Variants in PRKCZ observed in about 807,000 individuals in gnomAD.
The protein encoded by PRKCZ is protein kinase C zeta type.
A neutral mutation model predicts 79.5 loss-of-function variants in PRKCZ; 33 were observed. The observed-to-expected ratio is 0.41, with a 90% CI of 0.31 to 0.55. PRKCZ has a LOEUF of 0.55. PRKCZ is among the 20% of genes least tolerant of loss of function. PRKCZ has a pLI of 0.19. For synonymous variants in PRKCZ, 342 were observed against 320.9 expected, an observed-to-expected ratio of 1.07 and a Z score of -0.70; for missense variants, 578 against 813.5, an observed-to-expected ratio of 0.71 and a Z score of 3.52.
chr1:2,172,377 G>A lies in PRKCZ; in HGVS notation c.1274G>A (p.Gly425Glu). Residue 425 changes from glycine (G) to glutamate (E), a missense_variant, in exon 13 of 18, where the codon GGA becomes GAA. Transcript: ENST00000378567. This position sits in a 1 kb window ranked among gnomAD's most constrained non-coding sequence, Gnocchi z 7.8. ...TACATCGCCCCCGAAATCCTGCGGG[G>A]AGAGGAGTACGGTGAGTGCCGCTGC... Reference protein sequence around the residue: ...PNYIAPEILRGEEYGFSVDWW... With the variant: ...PNYIAPEILREEEYGFSVDWW... 1 of 1,612,984 alleles carries A rather than the reference G, an allele frequency of 6.2e-7. No individual in the cohort carries two copies. The highest frequency in any genetic ancestry group is 8.5e-7 in the Non-Finnish European group (1 of 1,179,832).
intron 8 of PRKCZ, 140 bp from the exon 9 acceptor site, chr1:2,150,650 A>G: frequency 1.2e-6 from 1 of 812,938 alleles, no homozygotes; most frequent in South Asian, 1.8e-5. Context: ...GATATGTGGG[A>G]CGCAGAACTG....
chr1:2,126,764 C>T (rs1034744592), intron 4 of PRKCZ, among the ~76,000 whole-genome samples: 2 of 152,246 alleles, frequency 1.3e-5, no homozygotes, highest in South Asian at 4.1e-4. Flanking sequence ...ACTTGCCCCT[C>T]ACCCGGGGTT....
At chr1:2,076,887 G>C (rs1317578498) in intron 4 of PRKCZ, among the ~76,000 whole-genome samples, 1 of 152,176 alleles carries the variant, frequency 6.6e-6, no homozygotes, top group Non-Finnish European at 1.5e-5. Flanking sequence ...TCCACGCATC[G>C]GGGCCCGGCA....
At chr1:2,121,222 G>A (rs1389740327) in intron 4 of PRKCZ, among the ~76,000 whole-genome samples, 1 of 152,216 alleles carries the variant, frequency 6.6e-6, no homozygotes, top group South Asian at 2.1e-4. Flanking sequence ...CTCCCAGTGT[G>A]GCGGGGGCAG....
At chr1:2,144,139 G>T (rs1677987637) in intron 5 of PRKCZ, 71 bp from the exon 6 acceptor site, 2 of 1,524,300 alleles carry the variant, frequency 1.3e-6, no homozygotes, top group Admixed American at 2.0e-5. Flanking sequence ...TATAGGTGTG[G>T]AAGGCCCTGC....
In PRKCZ at chr1:2,165,750, G is replaced by A. The variant is rs1176252352; in HGVS notation, c.975-3768G>A. Among the ~76,000 whole-genome samples the A allele has an allele frequency of 6.6e-6, 1 of 152,150 alleles. No individual in the cohort carries two copies. The highest frequency in any genetic ancestry group is 1.5e-5 in the Non-Finnish European group (1 of 68,020). On this transcript the variant is annotated intron_variant, in intron 10 of 17. Coordinates refer to ENST00000378567, the MANE Select transcript of PRKCZ (RefSeq NM_002744.6). This position sits in a 1 kb window ranked among gnomAD's most constrained non-coding sequence, Gnocchi z 4.1. ...CATCTGGTTAATTCTTGACTCTCAG[G>A]GCAGCGTCTCCTGTGCCTCCAGGAG...
chr1:2,175,140 C>A, intron 15 of PRKCZ, 84 bp from the exon 16 acceptor site: 1 of 1,190,546 alleles, frequency 8.4e-7, no homozygotes, highest in Non-Finnish European at 1.2e-6. Context: ...GGCTTGTCAG[C>A]ACTGGGAGTG....
In PRKCZ at chr1:2,173,775, G is replaced by A; in HGVS notation, c.1286-122G>A. The A allele has an allele frequency of 1.4e-6, 2 of 1,397,140 alleles. No homozygotes were observed. Among genetic ancestry groups the A allele is most frequent in the Non-Finnish European group, 1.9e-6 (2 of 1,050,248 alleles). 86.5% of individuals were successfully genotyped at this position (1,397,140 alleles called of 1,614,324 possible). ...AAGTGGAAGTCACAGAGGCCTGTGT[G>A]CCGCCTGCTCAAGCCTGGCTCACAC... is the stretch of plus-strand genomic sequence containing the variant. On this transcript the variant is annotated intron_variant, in intron 13 of 17. Transcript: ENST00000378567. The surrounding 1 kb of genome is among the most constrained non-coding windows in gnomAD (Gnocchi z 5.7).
At chr1:2,074,045 C>G in intron 4 of PRKCZ, 1 of 1,444,852 alleles carries the variant, frequency 6.9e-7, no homozygotes, top group Admixed American at 2.5e-5. Context: ...GGGTCTGAGT[C>G]CCGGCGTTGC....
At position 2,127,412 on chromosome 1, in the gene PRKCZ, C is replaced by T. The variant is rs1674147559; in HGVS notation, c.335-7850C>T. ...CTCCACTGCCCCCCCCACCGCCGCCCCTGCCCCACGGCCACCCCAGATCCT... is the reference window on the plus strand; with the variant it reads ...CTCCACTGCCCCCCCCACCGCCGCCTCTGCCCCACGGCCACCCCAGATCCT... On this transcript the variant is annotated intron_variant, in intron 4 of 17. Transcript: ENST00000378567. The surrounding 1 kb of genome is among the most constrained non-coding windows in gnomAD (Gnocchi z 5.1). 6.6e-6 allele frequency among the ~76,000 whole-genome samples: 1 copy of T among 152,022 alleles called. No individual in the cohort carries two copies. Among genetic ancestry groups the T allele is most frequent in the Admixed American group, 6.5e-5 (1 of 15,276 alleles).
chr1:2,124,558 A>T (rs982706918), intron 4 of PRKCZ, among the ~76,000 whole-genome samples: 1 of 152,048 alleles, frequency 6.6e-6, no homozygotes. Flanking sequence ...AAGCAAGGAG[A>T]TACCCCGCCC....
chr1:2,180,533 C>T (rs556356441), intron 16 of PRKCZ, among the ~76,000 whole-genome samples: 8 of 151,096 alleles, frequency 5.3e-5, no homozygotes, highest in East Asian at 1.9e-4. Context: ...ATGACGTGGA[C>T]GCACGGACGA....
At chr1:2,171,368 TA>T (rs1684398206) in intron 11 of PRKCZ, among the ~76,000 whole-genome samples, 1 of 147,982 alleles carries the variant, frequency 6.8e-6, no homozygotes, top group African/African-American at 2.6e-5. Context: ...AGGTCATATT[TA>T]ATTTTTTTTT....
At chr1:2,179,846 C>A (rs553814745) in intron 16 of PRKCZ, among the ~76,000 whole-genome samples, 2 of 152,062 alleles carry the variant, frequency 1.3e-5, no homozygotes, top group African/African-American at 4.8e-5. Flanking sequence ...CCTGGGAGCT[C>A]GGTGGGAGGA....
intron 4 of PRKCZ, among the ~76,000 whole-genome samples, chr1:2,119,363 C>T (rs1671402695): frequency 6.6e-6 from 1 of 151,782 alleles, no homozygotes; most frequent in African/African-American, 2.4e-5. Flanking sequence ...TACAGGTGCC[C>T]ACCACCATGC....
intron 4 of PRKCZ, among the ~76,000 whole-genome samples, chr1:2,093,375 C>G (rs572553372): frequency 6.6e-6 from 1 of 152,110 alleles, no homozygotes; most frequent in Non-Finnish European, 1.5e-5. Flanking sequence ...CAGGTCAGAC[C>G]GCCGGGGTGT....
intron 4 of PRKCZ, among the ~76,000 whole-genome samples, chr1:2,121,349 C>T (rs965685193): frequency 2.6e-5 from 4 of 152,078 alleles, no homozygotes; most frequent in Non-Finnish European, 5.9e-5. Flanking sequence ...ATGCTATGGA[C>T]TGAGTGTGTG....
rs1209768583 is a variant in PRKCZ, at chr1:2,094,699, C to T, written c.334+35108C>T. 6.7e-6 allele frequency among the ~76,000 whole-genome samples: 1 copy of T among 149,600 alleles called. No individual in the cohort carries two copies. Among genetic ancestry groups the T allele is most frequent in the East Asian group, 2.0e-4 (1 of 5,034 alleles). Reference sequence around the variant, plus strand: ...GCCCGTTCTGAGGCGCCCGCTGTGCCCGGCTCGTTGAACCTTGGGCGCTGC... The same window carrying T: ...GCCCGTTCTGAGGCGCCCGCTGTGCTCGGCTCGTTGAACCTTGGGCGCTGC... On this transcript the variant is annotated intron_variant, in intron 4 of 17. Coordinates refer to ENST00000378567, the MANE Select transcript of PRKCZ (RefSeq NM_002744.6). This position sits in a 1 kb window ranked among gnomAD's most constrained non-coding sequence, Gnocchi z 7.3.
Position 2,173,716 on chromosome 1 carries a change from G to A in PRKCZ, c.1286-181G>A, listed in dbSNP as rs998964201. ...TGTCAGGGACGGTGGCAGGGAGGCCGAGCTGCCAGGTGGAGGTGCTGGTTC... is the reference window on the plus strand; with the variant it reads ...TGTCAGGGACGGTGGCAGGGAGGCCAAGCTGCCAGGTGGAGGTGCTGGTTC... On this transcript the variant is annotated intron_variant, in intron 13 of 17. Coordinates refer to ENST00000378567, the MANE Select transcript of PRKCZ (RefSeq NM_002744.6). This position sits in a 1 kb window ranked among gnomAD's most constrained non-coding sequence, Gnocchi z 5.7. 6.6e-5 allele frequency among the ~76,000 whole-genome samples: 10 copies of A among 152,188 alleles called. No homozygotes were observed. The highest frequency in any genetic ancestry group is 2.4e-4 in the African/African-American group (10 of 41,454).
Sources: allele counts gnomAD v4.1 joint callset (sites outside exome capture counted in the v4.1 genomes callset), GRCh38; gene constraint gnomAD v4.1.1; non-coding constraint Gnocchi (gnomAD v3.1); transcripts MANE v1.5; gene names NCBI Gene and HGNC (gene_info 2026-07-23, HGNC 2026-07-21).